RNF170: variants seen among roughly 807,000 people sequenced by gnomAD.
RNF170 encodes the protein E3 ubiquitin-protein ligase RNF170.
RNF170 carries 12 observed loss-of-function variants against 32.7 expected under a neutral mutation model. That is an observed-to-expected ratio of 0.37 (90% CI 0.24 to 0.60). The LOEUF is 0.60. Ranked by LOEUF, RNF170 falls within the 20% of genes least tolerant of loss-of-function variation. RNF170 has a pLI of 0.72. For synonymous variants in RNF170, 91 were observed against 103.6 expected (o/e 0.88, Z 0.74); for missense variants, 212 against 311.2 (o/e 0.68, Z 2.40).
intron 1 of RNF170, among the ~76,000 whole-genome samples, chr8:42,894,315 G>A (rs1351357263): frequency 2.6e-5 from 4 of 152,152 alleles, no homozygotes; most frequent in South Asian, 2.1e-4. Context: ...TGCTCAGGAC[G>A]GCACAACCAC....
At chr8:42,886,140 C>T (rs1207081213) in intron 2 of RNF170, among the ~76,000 whole-genome samples, 3 of 151,800 alleles carry the variant, frequency 2.0e-5, no homozygotes, top group East Asian at 1.9e-4. Flanking sequence ...AGGAGAATGG[C>T]GTGAACCCGG....
intron 6 of RNF170, among the ~76,000 whole-genome samples, chr8:42,861,007 C>T (rs1020260278): frequency 1.3e-5 from 2 of 152,102 alleles, no homozygotes; most frequent in African/African-American, 2.4e-5. Flanking sequence ...CGTGAGCCAC[C>T]GCCCCCAGCC....
intron 1 of RNF170, among the ~76,000 whole-genome samples, chr8:42,892,182 A>C (rs1282842028): frequency 6.6e-6 from 1 of 152,146 alleles, no homozygotes; most frequent in Non-Finnish European, 1.5e-5. Context: ...ATGTTTATAA[A>C]TTTTTAAAAT....
At chr8:42,894,940 G>A (rs1563280484) in intron 1 of RNF170, among the ~76,000 whole-genome samples, 1 of 145,736 alleles carries the variant, frequency 6.9e-6, no homozygotes, top group Non-Finnish European at 1.5e-5. Flanking sequence ...CTTCAGGTAA[G>A]TTTTTTTTTT....
chr8:42,868,994 T>A (rs1804324483), intron 4 of RNF170, among the ~76,000 whole-genome samples: 1 of 152,138 alleles, frequency 6.6e-6, no homozygotes, highest in East Asian at 1.9e-4. Flanking sequence ...CATTGCAGGC[T>A]CAAGCTCCTG....
chr8:42,871,949 T>C (rs1016693157), intron 3 of RNF170, among the ~76,000 whole-genome samples: 2 of 152,238 alleles, frequency 1.3e-5, no homozygotes, highest in African/African-American at 4.8e-5. Context: ...TCTTTATCAG[T>C]GCTATCCAAT....
chr8:42,880,643 A>G (rs762122888), intron 2 of RNF170, among the ~76,000 whole-genome samples: 4 of 152,066 alleles, frequency 2.6e-5, no homozygotes, highest in African/African-American at 9.7e-5. Flanking sequence ...GGTGGTGCGC[A>G]CCTGTAATCC....
intron 4 of RNF170, among the ~76,000 whole-genome samples, chr8:42,869,492 TGA>T (rs750207701): frequency 6.6e-6 from 1 of 152,260 alleles, no homozygotes. Context: ...CTCAAGAGGT[TGA>T]GAGAGACAGA....
chr8:42,888,563 G>T (rs1806026924), intron 1 of RNF170, among the ~76,000 whole-genome samples: 1 of 151,182 alleles, frequency 6.6e-6, no homozygotes. Context: ...AGAAGTTCGA[G>T]ACCAGCCTGG....
intron 1 of RNF170, among the ~76,000 whole-genome samples, chr8:42,892,265 C>T (rs991528518): frequency 6.6e-6 from 1 of 152,312 alleles, no homozygotes; most frequent in South Asian, 2.1e-4. Context: ...CTCACTGCAG[C>T]CTCGACCTCC....
At chr8:42,851,564 C>CAAAAAA (rs11345853), downstream of RNF170, among the ~76,000 whole-genome samples, 1 of 82,570 alleles carries the variant, frequency 1.2e-5, no homozygotes, top group Non-Finnish European at 2.7e-5. Context: ...GACTCCGTCT[C>CAAAAAA]AAAAAAAAAA....
chr8:42,865,025 G>A (rs1451593751), intron 5 of RNF170, among the ~76,000 whole-genome samples: 1 of 151,652 alleles, frequency 6.6e-6, no homozygotes, highest in Non-Finnish European at 1.5e-5. Context: ...TGGAGGCTGA[G>A]GCAGGAGGAT....
Position 42,855,208 on chromosome 8 carries a change from C to A in RNF170, c.*951G>T. 7.9e-7 allele frequency: 1 copy of A among 1,271,892 alleles called. No homozygotes were observed. Among genetic ancestry groups the A allele is most frequent in the Non-Finnish European group, 1.0e-6 (1 of 975,614 alleles). The allele number at this position is 1,271,892 out of a possible 1,614,324, so 78.8% of individuals were successfully genotyped here. On this transcript the variant is annotated 3_prime_UTR_variant, in exon 7 of 7. Coordinates refer to ENST00000527424, the MANE Select transcript of RNF170 (RefSeq NM_030954.4). ...TAACTGTGAACATCAAGTGTGCTGA[C>A]TGGAGATAAATGTTTTTCATCTTTT...
At chr8:42,872,480 G>C (rs758654445) in intron 3 of RNF170, among the ~76,000 whole-genome samples, 3 of 152,106 alleles carry the variant, frequency 2.0e-5, no homozygotes, top group Non-Finnish European at 2.9e-5. Context: ...CTCACTCTCT[G>C]TCACCAGGCT....
chr8:42,868,236 T>C (rs1317927435), intron 4 of RNF170, among the ~76,000 whole-genome samples: 2 of 152,332 alleles, frequency 1.3e-5, no homozygotes, highest in Middle Eastern at 3.4e-3. Flanking sequence ...CATTACATGG[T>C]ATGGGTTCCA....
At chr8:42,870,154 T>C (rs1281403311) in intron 3 of RNF170, 42 bp from the exon 4 acceptor site, 1 of 1,381,810 alleles carries the variant, frequency 7.2e-7, no homozygotes, top group African/African-American at 1.4e-5. Context: ...ACAACACATG[T>C]GGCCCTCAAC....
chr8:42,885,864 T>C (rs184478565), intron 2 of RNF170, among the ~76,000 whole-genome samples: 1 of 152,134 alleles, frequency 6.6e-6, no homozygotes, highest in East Asian at 1.9e-4. Flanking sequence ...GCTTAAGTGA[T>C]CTTGCCATCT....
chr8:42,858,611 G>A (rs1408970870), intron 6 of RNF170, among the ~76,000 whole-genome samples: 1 of 152,104 alleles, frequency 6.6e-6, no homozygotes, highest in Non-Finnish European at 1.5e-5. Flanking sequence ...AGGTACAGAG[G>A]GCGCCACAGA....
At position 42,853,917 on chromosome 8, in the gene RNF170, T is replaced by C; in HGVS notation, c.*2242A>G. 7.8e-7 allele frequency: 1 copy of C among 1,287,156 alleles called. No homozygotes were observed. The highest frequency in any genetic ancestry group is 1.0e-6 in the Non-Finnish European group (1 of 988,638). 79.7% of individuals were successfully genotyped at this position (1,287,156 alleles called of 1,614,324 possible). A position where few individuals can be genotyped will look rare whatever the true frequency, so the allele number is the denominator to read the frequency against. On this transcript the variant is annotated 3_prime_UTR_variant, in exon 7 of 7. Coordinates refer to ENST00000527424, the MANE Select transcript of RNF170 (RefSeq NM_030954.4). Reference sequence around the variant, plus strand: ...TAGTAGTAACTCCAAATATTATAATTATTGTAACCAGAATTGTGACACTTG... The same window carrying C: ...TAGTAGTAACTCCAAATATTATAATCATTGTAACCAGAATTGTGACACTTG...
Sources: allele counts gnomAD v4.1 joint callset (sites outside exome capture counted in the v4.1 genomes callset), GRCh38; gene constraint gnomAD v4.1.1; transcripts MANE v1.5; gene names NCBI Gene and HGNC (gene_info 2026-07-23, HGNC 2026-07-21).